DNAH9: variants seen among roughly 807,000 people sequenced by gnomAD.
DNAH9 encodes the protein DNAH9 variant protein.
Under a neutral mutation model 471.6 loss-of-function variants are expected in DNAH9, and 345 were observed. That is an observed-to-expected ratio of 0.73 (90% CI 0.67 to 0.80). The LOEUF is 0.80. Ranked by LOEUF, DNAH9 falls within the 30% of genes least tolerant of loss-of-function variation. The pLI is 0.00. For synonymous variants in DNAH9, 2,093 were observed against 2,123.6 expected (o/e 0.99, Z 0.40); for missense variants, 5,407 against 5,609.2 (o/e 0.96, Z 1.15).
chr17:11,934,478 C>T lies in DNAH9; in HGVS notation c.12489+407C>T, dbSNP rs567425248. ...TTTTTTTTTTTGAGATGGAGTCTTG[C>T]TCTGGCGCCCAGGCTGGAGTGCAGT... is the stretch of plus-strand genomic sequence containing the variant. On this transcript the variant is annotated intron_variant, in intron 65 of 68. Coordinates refer to ENST00000262442, the MANE Select transcript of DNAH9 (RefSeq NM_001372.4). 7.1e-4 allele frequency among the ~76,000 whole-genome samples: 80 copies of T among 112,208 alleles called. 1 individual carries two copies. The highest frequency in any genetic ancestry group is 2.6e-3 in the African/African-American group (75 of 29,060). 73.6% of individuals were successfully genotyped at this position (112,208 alleles called of 152,430 possible).
intron 61 of DNAH9, among the ~76,000 whole-genome samples, chr17:11,919,320 C>T (rs1004415656): frequency 6.6e-6 from 1 of 151,606 alleles, no homozygotes; most frequent in Non-Finnish European, 1.5e-5. Context: ...ACGGTGAAAC[C>T]CTATCTCTAC....
At chr17:11,800,048 C>T (rs547462187) in intron 43 of DNAH9, among the ~76,000 whole-genome samples, 1 of 152,366 alleles carries the variant, frequency 6.6e-6, no homozygotes, top group East Asian at 1.9e-4. Context: ...CATGTTGCTT[C>T]TTTCACCATC....
chr17:11,866,617 C>T (rs1366643329), intron 50 of DNAH9, among the ~76,000 whole-genome samples: 10 of 152,184 alleles, frequency 6.6e-5, no homozygotes, highest in Non-Finnish European at 1.5e-4. Flanking sequence ...TGCCCTGCCC[C>T]CAGAGGTGGA....
rs1970339667 is a variant in DNAH9 at position 11,822,422 on chromosome 17, C to A, written c.8851-16C>A. 1 of 1,613,830 alleles carries A rather than the reference C, an allele frequency of 6.2e-7. No homozygotes were observed. The highest frequency in any genetic ancestry group is 1.7e-5 in the Admixed American group (1 of 59,988). ...CTGATGCCTTCCTGGTTCTCCCCAC[C>A]CTTCTGACTTCTCAGGTGACTCTCT... is the stretch of plus-strand genomic sequence containing the variant. On this transcript the variant is annotated splice_polypyrimidine_tract_variant and intron_variant, in intron 46 of 68. Coordinates refer to ENST00000262442, the MANE Select transcript of DNAH9 (RefSeq NM_001372.4).
At chr17:11,818,821 A>G (rs1970202770) in intron 45 of DNAH9, among the ~76,000 whole-genome samples, 1 of 151,928 alleles carries the variant, frequency 6.6e-6, no homozygotes, top group South Asian at 2.1e-4. Context: ...TCATTGAGAA[A>G]ACTGATGTCA....
chr17:11,669,581 G>A lies in DNAH9; in HGVS notation c.3140G>A (p.Gly1047Asp), dbSNP rs1385001619. Residue 1047 changes from glycine (G) to aspartate (D), a missense_variant, in exon 17 of 69, where the codon GGC (glycine) becomes GAC (aspartate). By Grantham distance (94) the Gly-to-Asp change is moderately conservative. Around this residue, in one of 3 missense-constraint regions of DNAH9, gnomAD observed 4,636 missense variants for 4,900.3 expected, o/e 0.95. Transcript: ENST00000262442. ...GAAATTGAAGACCATGTGGAAGATGGCATCCCAGAGAACCCTCCCCTCCTT... is the reference window on the plus strand; with the variant it reads ...GAAATTGAAGACCATGTGGAAGATGACATCCCAGAGAACCCTCCCCTCCTT... The part of the protein sequence containing the change: ...PEEIEDHVED[G>D]IPENPPLLSQ... The A allele has an allele frequency of 6.2e-7, 1 of 1,613,972 alleles. No individual in the cohort carries two copies. Among genetic ancestry groups the A allele is most frequent in the African/African-American group, 1.3e-5 (1 of 74,890 alleles).
rs57394041 is a variant in DNAH9 at position 11,718,042 on chromosome 17, T to TTGTG, written c.5553-1278_5553-1275dup. The stretch of plus-strand genomic sequence containing the variant: ...GCGCACTACACCACACCCATCTCAT[T>TTGTG]TGTGTGTGTGTGTGTGTAGATATGG... On this transcript the variant is annotated intron_variant, in intron 26 of 68. Transcript: ENST00000262442. Among the ~76,000 whole-genome samples the TTGTG allele has an allele frequency of 3.2e-3, 474 of 149,432 alleles. 1 individual carries two copies. The highest frequency in any genetic ancestry group is 0.01 in the Middle Eastern group (3 of 288).
At chr17:11,653,797 A>C (rs1301979930) in intron 14 of DNAH9, among the ~76,000 whole-genome samples, 1 of 152,164 alleles carries the variant, frequency 6.6e-6, no homozygotes, top group East Asian at 1.9e-4. Flanking sequence ...GAGTCCCTCA[A>C]GTTGATTTAA....
At chr17:11,614,403 G>C (rs1001054531) in intron 4 of DNAH9, among the ~76,000 whole-genome samples, 16 of 152,148 alleles carry the variant, frequency 1.1e-4, no homozygotes, top group African/African-American at 3.6e-4. Context: ...GCAGGAACCC[G>C]ATTGTATGAA....
chr17:11,603,504 C>A (rs2150627161), intron 1 of DNAH9, among the ~76,000 whole-genome samples: 1 of 152,288 alleles, frequency 6.6e-6, no homozygotes, highest in African/African-American at 2.4e-5. Context: ...GTTTGTGCTG[C>A]CCTCTGATGC....
At chr17:11,886,185 G>A (rs1349252786) in intron 56 of DNAH9, among the ~76,000 whole-genome samples, 2 of 152,118 alleles carry the variant, frequency 1.3e-5, no homozygotes, top group African/African-American at 2.4e-5. Context: ...TTAGTCGGGC[G>A]TGGTGGCAGG....
chr17:11,965,414 A>G (rs534650892), intron 68 of DNAH9, among the ~76,000 whole-genome samples: 1 of 152,358 alleles, frequency 6.6e-6, no homozygotes, highest in East Asian at 1.9e-4. Context: ...AGGCCACTTC[A>G]GTGGCCATAC....
Position 11,894,428 on chromosome 17 carries a change from T to A in DNAH9, c.11338T>A (p.Ser3780Thr). ...NAVELDFLLR[S>T]PVQTGTASPV... ...AGTGGAGTTGGATTTCCTGCTTCGA[T>A]CTCCAGTGCAGACGGGCACCGCCAG... The change falls in exon 59 of 69, where the codon TCT becomes ACT. Residue 3780 changes from serine (S) to threonine (T), a missense_variant. Around this residue, in one of 3 missense-constraint regions of DNAH9, gnomAD observed 4,636 missense variants for 4,900.3 expected, o/e 0.95. Transcript: ENST00000262442. 1 of 1,614,122 alleles carries A rather than the reference T, an allele frequency of 6.2e-7. No homozygotes were observed. The highest frequency in any genetic ancestry group is 8.5e-7 in the Non-Finnish European group (1 of 1,180,002).
Position 11,932,108 on chromosome 17 carries a change from T to G in DNAH9, c.12200T>G (p.Phe4067Cys). Residue 4067 changes from phenylalanine to cysteine, a missense_variant, in exon 64 of 69, where the codon TTT becomes TGT. Physicochemically the swap from Phe to Cys is radical, Grantham distance 205 (BLOSUM62 -2). Transcript: ENST00000262442. This position sits in a 1 kb window ranked among gnomAD's most constrained non-coding sequence, Gnocchi z 4.3. ...FHAVVAERRK[F>C]GPQGWNRSYP... ...GCGGTGGTGGCAGAAAGACGAAAAT[T>G]TGGGCCCCAGGGATGGAATCGCTCA... 1 of 1,613,946 alleles carries G rather than the reference T, an allele frequency of 6.2e-7. No homozygotes were observed. Among genetic ancestry groups the G allele is most frequent in the Non-Finnish European group, 8.5e-7 (1 of 1,180,000 alleles).
chr17:11,738,135 C>T (rs965336515), intron 28 of DNAH9, among the ~76,000 whole-genome samples: 4 of 152,280 alleles, frequency 2.6e-5, no homozygotes, highest in Non-Finnish European at 5.9e-5. Context: ...TTCCATCTCA[C>T]CATGCTTCTG....
chr17:11,881,351 C>G lies in DNAH9; in HGVS notation c.10744C>G (p.Leu3582Val). The change falls in exon 55 of 69, where the codon CTG (leucine) becomes GTG (valine). Residue 3582 changes from leucine (L) to valine (V), a missense_variant. Transcript: ENST00000262442. ...CAACTTCACCGTGACCAGGGATGGCCTGGAGGACCAGTTGCTGGCCGCTGT... is the reference window on the plus strand; with the variant it reads ...CAACTTCACCGTGACCAGGGATGGCGTGGAGGACCAGTTGCTGGCCGCTGT... ...LINFTVTRDG[L>V]EDQLLAAVVS... 1 of 1,614,092 alleles carries G rather than the reference C, an allele frequency of 6.2e-7. No homozygotes were observed. Among genetic ancestry groups the G allele is most frequent in the Non-Finnish European group, 8.5e-7 (1 of 1,180,020 alleles).
intron 9 of DNAH9, among the ~76,000 whole-genome samples, chr17:11,639,649 G>A (rs2073230706): frequency 1.3e-5 from 2 of 152,170 alleles, no homozygotes; most frequent in South Asian, 4.1e-4. Flanking sequence ...TGATTGAGTT[G>A]TCTGTTTAAG....
At position 11,812,101 on chromosome 17, in the gene DNAH9, C is replaced by T. The variant is rs188685005; in HGVS notation, c.8707+1732C>T. Among the ~76,000 whole-genome samples, 8 of 130,142 alleles carry T rather than the reference C, an allele frequency of 6.1e-5. 1 individual carries two copies. The East Asian group carries it at 1.9e-3, about 31-fold the overall frequency. 85.4% of individuals were successfully genotyped at this position (130,142 alleles called of 152,430 possible). Reference sequence around the variant, plus strand: ...TCCAAGAATATAAGACAATATAATGCATAAATTATGCATTTATATAAATAT... The same window carrying T: ...TCCAAGAATATAAGACAATATAATGTATAAATTATGCATTTATATAAATAT... On this transcript the variant is annotated intron_variant, in intron 45 of 68. Coordinates refer to ENST00000262442, the MANE Select transcript of DNAH9 (RefSeq NM_001372.4).
intron 49 of DNAH9, among the ~76,000 whole-genome samples, chr17:11,848,419 A>G (rs1254779031): frequency 1.3e-5 from 2 of 152,008 alleles, no homozygotes; most frequent in African/African-American, 4.8e-5. Flanking sequence ...TTATTTAAAT[A>G]ATATTTCCCA....
Sources: allele counts gnomAD v4.1 joint callset (sites outside exome capture counted in the v4.1 genomes callset), GRCh38; gene constraint gnomAD v4.1.1; regional missense constraint gnomAD v4.1.1; non-coding constraint Gnocchi (gnomAD v3.1); transcripts MANE v1.5; gene names NCBI Gene and HGNC (gene_info 2026-07-23, HGNC 2026-07-21).